The following SEMA3D variants were observed in gnomAD, a reference collection of about 807,000 sequenced individuals.
SEMA3D encodes the protein semaphorin-3D.
A neutral mutation model predicts 100.1 loss-of-function variants in SEMA3D; 84 were observed. That is an observed-to-expected ratio of 0.84 (90% confidence interval 0.70 to 1.01). The LOEUF (loss-of-function observed/expected upper bound fraction) is 1.01. SEMA3D is among the 50% of genes least tolerant of loss of function. The pLI is 0.00. For missense variants in SEMA3D, 875 were observed against 934.1 expected, an observed-to-expected ratio of 0.94 and a Z score of 0.82; for synonymous variants, 312 against 320.7, an observed-to-expected ratio of 0.97 and a Z score of 0.29.
At chr7:85,031,937 T>C (rs1790562291) in intron 12 of SEMA3D, among the ~76,000 whole-genome samples, 1 of 151,942 alleles carries the variant, frequency 6.6e-6, no homozygotes, top group Non-Finnish European at 1.5e-5. Context: ...TCAATGCAGC[T>C]AATTTTAGGT....
At chr7:85,158,398 G>A (rs1481618409) in intron 1 of SEMA3D, among the ~76,000 whole-genome samples, 3 of 152,172 alleles carry the variant, frequency 2.0e-5, no homozygotes, top group African/African-American at 7.2e-5. Context: ...GCTGTGGAAT[G>A]AAATAAGCCC....
At chr7:85,155,420 AT>A (rs1352925944) in intron 1 of SEMA3D, among the ~76,000 whole-genome samples, 23 of 152,142 alleles carry the variant, frequency 1.5e-4, no homozygotes, top group African/African-American at 5.1e-4. Context: ...CTTAGTTTTA[AT>A]CTCCCTGATG....
chr7:85,059,912 TCATC>T (rs1791426866), intron 8 of SEMA3D, among the ~76,000 whole-genome samples: 2 of 152,210 alleles, frequency 1.3e-5, no homozygotes, highest in Admixed American at 1.3e-4. Context: ...ATGAAAAACA[TCATC>T]CAAGTGTTGA....
At chr7:85,152,693 T>C (rs1011609777) in intron 2 of SEMA3D, among the ~76,000 whole-genome samples, 4 of 152,142 alleles carry the variant, frequency 2.6e-5, no homozygotes, top group African/African-American at 2.4e-5. Context: ...ATCAAAATAA[T>C]TTATATTGAA....
At chr7:85,209,150 T>C in the SEMA3D span, among the ~76,000 whole-genome samples, 3 of 152,024 alleles carry the variant, frequency 2.0e-5, no homozygotes, top group African/African-American at 7.2e-5. Context: ...ACTCAAAATT[T>C]AACTACTGAT....
At chr7:85,058,127 C>T (rs111352393) in intron 8 of SEMA3D, among the ~76,000 whole-genome samples, 6,540 of 152,068 alleles carry the variant, frequency 0.043, 464 homozygotes, top group African/African-American at 0.15. Flanking sequence ...ATATTATTTT[C>T]CTGTTTTCTT....
chr7:85,067,592 T>G (rs940081920), intron 7 of SEMA3D, among the ~76,000 whole-genome samples: 7 of 152,180 alleles, frequency 4.6e-5, no homozygotes, highest in Non-Finnish European at 7.4e-5. Context: ...TTCAGAAGTC[T>G]TGCTGACATT....
chr7:85,222,643 T>A, the SEMA3D span, among the ~76,000 whole-genome samples: 11 of 152,112 alleles, frequency 7.2e-5, no homozygotes, highest in Non-Finnish European at 7.4e-5. Context: ...TAAGCAACCC[T>A]CTGTGTCTGC....
chr7:85,065,346 G>T, intron 8 of SEMA3D, 78 bp downstream of exon 8: 1 of 1,271,406 alleles, frequency 7.9e-7, no homozygotes, highest in Non-Finnish European at 1.1e-6. Context: ...AAACACATTT[G>T]AATGAATAAT....
intron 1 of SEMA3D, among the ~76,000 whole-genome samples, chr7:85,161,551 G>A (rs757899346): frequency 7.9e-5 from 12 of 152,200 alleles, no homozygotes; most frequent in East Asian, 3.9e-4. Context: ...GGATGGTTGC[G>A]GGTGGAGTAG....
At chr7:85,008,925 TATAA>T (rs1206350505) in intron 17 of SEMA3D, among the ~76,000 whole-genome samples, 1 of 151,752 alleles carries the variant, frequency 6.6e-6, no homozygotes, top group African/African-American at 2.4e-5. Context: ...GTATATGAAA[TATAA>T]ATAAATTTTG....
the SEMA3D span, among the ~76,000 whole-genome samples, chr7:85,222,799 T>C: frequency 2.6e-5 from 4 of 152,222 alleles, no homozygotes; most frequent in South Asian, 6.2e-4. Flanking sequence ...GTCTCCACCA[T>C]GCTATTTAGT....
intron 18 of SEMA3D, 135 bp from the exon 19 acceptor site, chr7:85,000,000 T>C: frequency 1.4e-6 from 1 of 738,162 alleles, no homozygotes; most frequent in South Asian, 2.0e-5. Flanking sequence ...TCATCAAGCA[T>C]AATATTGTCA....
the SEMA3D span, among the ~76,000 whole-genome samples, chr7:85,193,451 TG>T: frequency 6.6e-6 from 1 of 152,102 alleles, no homozygotes; most frequent in Non-Finnish European, 1.5e-5. Flanking sequence ...AAAAATACTG[TG>T]GAATATTCTG....
chr7:85,145,595 C>A (rs1343782024), intron 2 of SEMA3D, among the ~76,000 whole-genome samples: 1 of 151,528 alleles, frequency 6.6e-6, no homozygotes. Context: ...TGTCACCAAG[C>A]AAGATGATAG....
chr7:85,028,755 T>A (rs1242396098), intron 12 of SEMA3D: 1 of 202,324 alleles, frequency 4.9e-6, no homozygotes, highest in Non-Finnish European at 1.0e-5. Flanking sequence ...GCTGAGCCTG[T>A]TCTGTGGCAT....
intron 4 of SEMA3D, among the ~76,000 whole-genome samples, chr7:85,088,383 A>C (rs1788285361): frequency 6.6e-6 from 1 of 152,202 alleles, no homozygotes; most frequent in African/African-American, 2.4e-5. Context: ...CCTAATTCAG[A>C]GATGTCAAAA....
chr7:85,145,347 G>T (rs1790171721), intron 2 of SEMA3D, among the ~76,000 whole-genome samples: 1 of 151,860 alleles, frequency 6.6e-6, no homozygotes, highest in Non-Finnish European at 1.5e-5. Context: ...TTATTGGTTT[G>T]GGGGGGATAG....
At chr7:85,117,592 G>T (rs1339158463) in intron 3 of SEMA3D, among the ~76,000 whole-genome samples, 1 of 152,000 alleles carries the variant, frequency 6.6e-6, no homozygotes, top group Non-Finnish European at 1.5e-5. Context: ...GGGCAACATG[G>T]TGAAACTCCG....
Sources: allele counts gnomAD v4.1 joint callset (sites outside exome capture counted in the v4.1 genomes callset), GRCh38; gene constraint gnomAD v4.1.1; transcripts MANE v1.5; gene names NCBI Gene and HGNC (gene_info 2026-07-23, HGNC 2026-07-21).